ARHGEF3: variants seen among roughly 807,000 people sequenced by gnomAD.
ARHGEF3 encodes 59.8 kDA protein.
In ARHGEF3, 28 loss-of-function variants were observed where a neutral mutation model predicts 63.2. That is an observed-to-expected ratio of 0.44 (90% confidence interval 0.33 to 0.61). The LOEUF (loss-of-function observed/expected upper bound fraction) is 0.61, where lower values mean the gene tolerates loss of function less well. Among genes scored for constraint, ARHGEF3 ranks in the 20% least tolerant of loss-of-function variants. ARHGEF3 has a pLI of 0.03. For missense variants in ARHGEF3, 533 were observed against 659.3 expected, an observed-to-expected ratio of 0.81 and a Z score of 2.10; for synonymous variants, 266 against 254.2, an observed-to-expected ratio of 1.05 and a Z score of -0.44.
chr3:56,760,400 T>A (rs925572100), intron 2 of ARHGEF3, among the ~76,000 whole-genome samples: 2 of 152,208 alleles, frequency 1.3e-5, no homozygotes, highest in Non-Finnish European at 2.9e-5. Context: ...GAGTTGGAGA[T>A]TGTCTTCTGC....
chr3:57,040,088 AACC>A (rs1265039454), intron 1 of ARHGEF3, among the ~76,000 whole-genome samples: 2 of 152,200 alleles, frequency 1.3e-5, no homozygotes, highest in African/African-American at 4.8e-5. Flanking sequence ...GATGACCTAC[AACC>A]ACATGCGGCA....
At chr3:56,859,566 G>A (rs1481004507) in intron 4 of ARHGEF3, among the ~76,000 whole-genome samples, 1 of 149,388 alleles carries the variant, frequency 6.7e-6, no homozygotes, top group Admixed American at 6.7e-5. Flanking sequence ...GTCTCACTCT[G>A]TCACCCAGGC....
At chr3:56,786,063 G>A (rs138870038) in intron 1 of ARHGEF3, among the ~76,000 whole-genome samples, 1 of 152,082 alleles carries the variant, frequency 6.6e-6, no homozygotes, top group Non-Finnish European at 1.5e-5. Flanking sequence ...CCCTTCAAAT[G>A]TTTGGTCCAT....
rs569661742 is a variant in ARHGEF3 at position 56,934,607 on chromosome 3, G to A, written c.129+24216C>T. ...CAGGGCAATGAGGGACTTAGCACCC[G>A]GGCCAGCGGCTGCGGAGGGTGTACT... On this transcript the variant is annotated intron_variant, in intron 3 of 12. Coordinates refer to the ARHGEF3 transcript ENST00000338458. Among the ~76,000 whole-genome samples the A allele has an allele frequency of 2.6e-3, 395 of 152,322 alleles. 1 individual carries two copies. Among genetic ancestry groups the A allele is most frequent in the African/African-American group, 8.8e-3 (367 of 41,570 alleles).
At chr3:56,731,317 G>A (rs998706965) in intron 9 of ARHGEF3, among the ~76,000 whole-genome samples, 11 of 152,040 alleles carry the variant, frequency 7.2e-5, no homozygotes, top group Admixed American at 5.9e-4. Flanking sequence ...GATTACTTGG[G>A]GTCAGGAGTT....
chr3:56,745,470 G>A lies in ARHGEF3; in HGVS notation c.613-8C>T, dbSNP rs550255987. 17 of 1,611,516 alleles carry A rather than the reference G, an allele frequency of 1.1e-5. No individual in the cohort carries two copies. In the East Asian group the frequency reaches 3.3e-4, roughly 32 times the overall value. Reference sequence around the variant, plus strand: ...GGAGCTGAGGCAAGGGAGCTAAGAAGGAAACAGAAAGAGAAGGTTGGAATG... The same window carrying A: ...GGAGCTGAGGCAAGGGAGCTAAGAAAGAAACAGAAAGAGAAGGTTGGAATG... On this transcript the variant is annotated splice_polypyrimidine_tract_variant and splice_region_variant and intron_variant, in intron 6 of 9. Coordinates refer to ENST00000296315, the MANE Select transcript of ARHGEF3 (RefSeq NM_019555.3).
At chr3:56,789,020 A>ATGCTGCTGCTGCTGCTGCTGCTGCTGC (rs34620976) in intron 1 of ARHGEF3, among the ~76,000 whole-genome samples, 45 of 149,224 alleles carry the variant, frequency 3.0e-4, no homozygotes, top group African/African-American at 9.7e-4. Flanking sequence ...TTCAAGATAG[A>ATGCTGCTGCTGCTGCTGCTGCTGCTGC]TGCTGCTGCT....
chr3:57,007,743 G>A (rs554605310), intron 2 of ARHGEF3, among the ~76,000 whole-genome samples: 4 of 152,272 alleles, frequency 2.6e-5, no homozygotes, highest in African/African-American at 9.6e-5. Context: ...TGGCTTTGGT[G>A]TTTAGGGCTC....
chr3:56,914,780 G>A (rs1466792127), intron 3 of ARHGEF3, among the ~76,000 whole-genome samples: 1 of 152,120 alleles, frequency 6.6e-6, no homozygotes, highest in Non-Finnish European at 1.5e-5. Flanking sequence ...ACTTATATGA[G>A]ATACTTAGAG....
intron 2 of ARHGEF3, among the ~76,000 whole-genome samples, chr3:57,011,199 G>A (rs1181862316): frequency 6.6e-6 from 1 of 152,210 alleles, no homozygotes; most frequent in African/African-American, 2.4e-5. Context: ...TGAAAACAAA[G>A]ACGTTTTTGG....
intron 2 of ARHGEF3, among the ~76,000 whole-genome samples, chr3:57,013,473 A>C (rs1294726128): frequency 6.6e-6 from 1 of 152,086 alleles, no homozygotes; most frequent in Non-Finnish European, 1.5e-5. Context: ...GACTTGGAGA[A>C]CTTTTATGTC....
intron 2 of ARHGEF3, chr3:56,977,214 C>T (rs1182052842): frequency 2.2e-6 from 1 of 456,228 alleles, no homozygotes; most frequent in East Asian, 6.9e-5. Flanking sequence ...GCTGCCTAAT[C>T]CACAAGAGCC....
intron 4 of ARHGEF3, among the ~76,000 whole-genome samples, chr3:56,837,242 T>A (rs890284266): frequency 9.9e-5 from 15 of 152,080 alleles, no homozygotes; most frequent in African/African-American, 2.7e-4. Flanking sequence ...AAAAGAGACT[T>A]TACTTAAAAG....
intron 1 of ARHGEF3, among the ~76,000 whole-genome samples, chr3:56,789,620 C>T (rs2036984050): frequency 6.6e-6 from 1 of 152,292 alleles, no homozygotes; most frequent in South Asian, 2.1e-4. Context: ...TCCTAGAAAG[C>T]CCCTCAGAAC....
chr3:56,798,635 A>C (rs1391744558), intron 1 of ARHGEF3, among the ~76,000 whole-genome samples: 25 of 151,748 alleles, frequency 1.6e-4, no homozygotes, highest in Admixed American at 1.4e-3. Context: ...AATTCATTAG[A>C]GGTAACACAT....
chr3:57,078,743 C>T (rs1706328784), intron 1 of ARHGEF3: 1 of 152,574 alleles, frequency 6.6e-6, no homozygotes, highest in Admixed American at 6.5e-5. Context: ...GACCCGCGGC[C>T]CTGTGAGCCG....
At chr3:56,824,921 T>G (rs1330643366) in intron 4 of ARHGEF3, among the ~76,000 whole-genome samples, 1 of 152,202 alleles carries the variant, frequency 6.6e-6, no homozygotes, top group Non-Finnish European at 1.5e-5. Context: ...TGTTAAACGA[T>G]GTATACCTGT....
At position 56,943,437 on chromosome 3, in the gene ARHGEF3, C is replaced by G. The variant is rs573472714; in HGVS notation, c.129+15386G>C. Among the ~76,000 whole-genome samples, 4 of 152,186 alleles carry G rather than the reference C, an allele frequency of 2.6e-5. No individual in the cohort carries two copies. The South Asian group carries it at 8.3e-4, about 32-fold the overall frequency. On this transcript the variant is annotated intron_variant, in intron 3 of 12. Transcript: ENST00000338458. ...TTTTAAGCCCACTCTTGAGACTTACCGCTCAGAAAAAAAGATTACTTTTAA... is the reference window on the plus strand; with the variant it reads ...TTTTAAGCCCACTCTTGAGACTTACGGCTCAGAAAAAAAGATTACTTTTAA...
At chr3:56,864,774 G>A (rs2040187014) in intron 4 of ARHGEF3, among the ~76,000 whole-genome samples, 1 of 152,184 alleles carries the variant, frequency 6.6e-6, no homozygotes, top group African/African-American at 2.4e-5. Context: ...AAATCAGGAA[G>A]CTATGCAATG....
Sources: allele counts gnomAD v4.1 joint callset (sites outside exome capture counted in the v4.1 genomes callset), GRCh38; gene constraint gnomAD v4.1.1; transcripts MANE v1.5; gene names NCBI Gene and HGNC (gene_info 2026-07-23, HGNC 2026-07-21).